Variants in PCCA observed in about 807,000 individuals in gnomAD.
PCCA encodes propionyl-CoA carboxylase subunit alpha, also known as propionyl-CoA carboxylase alpha chain, mitochondrial.
Under a neutral mutation model 101.3 loss-of-function variants are expected in PCCA, and 74 were observed. The observed-to-expected ratio is 0.73, with a 90% CI of 0.61 to 0.89. The LOEUF (loss-of-function observed/expected upper bound fraction) is 0.89, where lower values mean the gene tolerates loss of function less well. PCCA is among the 40% of genes least tolerant of loss of function. The probability of loss-of-function intolerance (pLI) is 0.00; values close to 1 mark genes in which losing one functional copy is unlikely to be tolerated. For synonymous variants in PCCA, 294 were observed against 313.6 expected (o/e 0.94, Z 0.66); for missense variants, 891 against 907.0 (o/e 0.98, Z 0.23).
At chr13:100,327,499 G>C (rs1328732817) in intron 16 of PCCA, among the ~76,000 whole-genome samples, 2 of 152,126 alleles carry the variant, frequency 1.3e-5, no homozygotes, top group Admixed American at 1.3e-4. Context: ...ATTGTTTCCA[G>C]GTTTTGATTA....
chr13:100,376,667 T>G (rs1333701779), intron 19 of PCCA, among the ~76,000 whole-genome samples: 1 of 152,154 alleles, frequency 6.6e-6, no homozygotes. Context: ...TGGATGACCC[T>G]CCCTGCCAGG....
chr13:100,320,130 CT>C (rs957858121), intron 16 of PCCA, among the ~76,000 whole-genome samples: 248 of 152,194 alleles, frequency 1.6e-3, no homozygotes, highest in African/African-American at 5.6e-3. Context: ...CTCTGTTTGT[CT>C]GTTATTGGTG....
At chr13:100,221,313 G>C (rs1245997209) in intron 7 of PCCA, among the ~76,000 whole-genome samples, 1 of 152,138 alleles carries the variant, frequency 6.6e-6, no homozygotes, top group Non-Finnish European at 1.5e-5. Flanking sequence ...ATTGTGGTTG[G>C]GGAGACCCCT....
chr13:100,099,275 T>C (rs1232544554), intron 1 of PCCA, among the ~76,000 whole-genome samples: 1 of 151,958 alleles, frequency 6.6e-6, no homozygotes, highest in African/African-American at 2.4e-5. Context: ...AACTGCCACG[T>C]GAGGCCACAT....
At chr13:100,425,950 A>C (rs995974524) in intron 20 of PCCA, among the ~76,000 whole-genome samples, 1 of 151,402 alleles carries the variant, frequency 6.6e-6, no homozygotes, top group Non-Finnish European at 1.5e-5. Context: ...AAGAAGGTTC[A>C]TGTATTGTAC....
intron 6 of PCCA, among the ~76,000 whole-genome samples, chr13:100,203,082 C>T (rs1245164695): frequency 6.6e-6 from 1 of 151,740 alleles, no homozygotes; most frequent in East Asian, 1.9e-4. Flanking sequence ...ACCAGCTTGG[C>T]CAACATAATG....
Position 100,450,423 on chromosome 13 carries a change from T to G in PCCA, c.1899+1118T>G, listed in dbSNP as rs182824184. On this transcript the variant is annotated intron_variant, in intron 21 of 23. Transcript: ENST00000376285. ...AAAAAAAAAGTACCTTATTTTAATT[T>G]TCATTTTTCTGTTTATTGCTATTGT... Among the ~76,000 whole-genome samples the G allele has an allele frequency of 1.6e-4, 25 of 152,330 alleles. No individual in the cohort carries two copies. In the East Asian group the frequency reaches 4.6e-3, roughly 28 times the overall value.
chr13:100,091,456 A>T (rs981556114), intron 1 of PCCA, among the ~76,000 whole-genome samples: 6 of 152,196 alleles, frequency 3.9e-5, no homozygotes, highest in African/African-American at 1.4e-4. Flanking sequence ...TTGTGCCGGT[A>T]AAGAATTCCT....
chr13:100,339,702 A>G (rs1001751614), intron 17 of PCCA, among the ~76,000 whole-genome samples: 1 of 152,190 alleles, frequency 6.6e-6, no homozygotes, highest in African/African-American at 2.4e-5. Context: ...TCTTCGCACC[A>G]GAAAGCATGG....
chr13:100,270,103 A>G (rs1276235194), intron 11 of PCCA, among the ~76,000 whole-genome samples: 2 of 152,202 alleles, frequency 1.3e-5, no homozygotes, highest in African/African-American at 4.8e-5. Flanking sequence ...CTTACATAAG[A>G]TGTGGCCATC....
At chr13:100,164,283 A>AG in intron 6 of PCCA, among the ~76,000 whole-genome samples, 1 of 152,136 alleles carries the variant, frequency 6.6e-6, no homozygotes, top group South Asian at 2.1e-4. Context: ...TATTAGATAG[A>AG]AAAAAAATGT....
chr13:100,268,607 G>T, intron 10 of PCCA, 82 bp from the exon 11 acceptor site: 1 of 937,740 alleles, frequency 1.1e-6, no homozygotes, highest in South Asian at 1.3e-5. Context: ...AAAACCAAGA[G>T]ATGTTGCATG....
At chr13:100,135,709 G>A (rs563481804) in intron 4 of PCCA, among the ~76,000 whole-genome samples, 4 of 152,046 alleles carry the variant, frequency 2.6e-5, no homozygotes, top group Admixed American at 6.6e-5. Context: ...AAGAGGAGTA[G>A]CAGTGGTGCA....
chr13:100,154,853 C>CA, intron 4 of PCCA, 126 bp from the exon 5 acceptor site: 1 of 744,694 alleles, frequency 1.3e-6, no homozygotes. Context: ...AGTGCATACT[C>CA]AAAAAGAAAT....
chr13:100,346,949 C>T (rs192459934), intron 18 of PCCA, among the ~76,000 whole-genome samples: 1 of 152,216 alleles, frequency 6.6e-6, no homozygotes, highest in Non-Finnish European at 1.5e-5. Flanking sequence ...TCTTGGTTCA[C>T]TGCAACCTCC....
intron 6 of PCCA, among the ~76,000 whole-genome samples, chr13:100,177,428 T>G (rs1449267118): frequency 6.6e-6 from 1 of 152,194 alleles, no homozygotes; most frequent in Non-Finnish European, 1.5e-5. Flanking sequence ...TTAATAAGAC[T>G]TGGTCTATTA....
intron 6 of PCCA, among the ~76,000 whole-genome samples, chr13:100,168,534 C>T (rs907742532): frequency 6.6e-6 from 1 of 152,164 alleles, no homozygotes; most frequent in African/African-American, 2.4e-5. Flanking sequence ...TCCAAGCACT[C>T]CAGCTGAGGC....
At chr13:100,268,205 C>CA (rs1350058992) in intron 10 of PCCA, among the ~76,000 whole-genome samples, 1 of 151,904 alleles carries the variant, frequency 6.6e-6, no homozygotes, top group Non-Finnish European at 1.5e-5. Flanking sequence ...TTTCCTAGAA[C>CA]AAAAATAAAC....
At chr13:100,510,059 C>G (rs1245864576) in intron 21 of PCCA, among the ~76,000 whole-genome samples, 2 of 152,088 alleles carry the variant, frequency 1.3e-5, no homozygotes, top group Non-Finnish European at 2.9e-5. Context: ...TTCCACATAC[C>G]TATTATTTGG....
Sources: allele counts gnomAD v4.1 joint callset (sites outside exome capture counted in the v4.1 genomes callset), GRCh38; gene constraint gnomAD v4.1.1; transcripts MANE v1.5; gene names NCBI Gene and HGNC (gene_info 2026-07-23, HGNC 2026-07-21).